NKAIN2: variants seen among roughly 807,000 people sequenced by gnomAD.
NKAIN2 encodes sodium/potassium transporting ATPase interacting 2.
A neutral mutation model predicts 32.6 loss-of-function variants in NKAIN2; 14 were observed. The observed-to-expected ratio is 0.43, with a 90% CI of 0.28 to 0.67. NKAIN2 has a LOEUF of 0.67. Ranked by LOEUF, NKAIN2 falls within the 30% of genes least tolerant of loss-of-function variation. The pLI is 0.17. For synonymous variants in NKAIN2, 80 were observed against 87.2 expected, an observed-to-expected ratio of 0.92 and a Z score of 0.46; for missense variants, 198 against 258.3, an observed-to-expected ratio of 0.77 and a Z score of 1.60.
At chr6:124,699,268 G>A (rs1774649830) in intron 4 of NKAIN2, among the ~76,000 whole-genome samples, 1 of 152,180 alleles carries the variant, frequency 6.6e-6, no homozygotes, top group Non-Finnish European at 1.5e-5. Flanking sequence ...TTGAAGCTTA[G>A]CTGGAATGTG....
chr6:124,416,161 A>G (rs1774477943), intron 3 of NKAIN2, among the ~76,000 whole-genome samples: 1 of 152,160 alleles, frequency 6.6e-6, no homozygotes, highest in Non-Finnish European at 1.5e-5. Flanking sequence ...AGAGGTGACC[A>G]CCTGTATTCC....
At chr6:124,013,083 C>T (rs540801964) in intron 1 of NKAIN2, among the ~76,000 whole-genome samples, 55 of 152,200 alleles carry the variant, frequency 3.6e-4, no homozygotes, top group Middle Eastern at 3.4e-3. Context: ...TAATAACTAA[C>T]GATGATGAAC....
chr6:124,466,833 G>A (rs549528159), intron 3 of NKAIN2, among the ~76,000 whole-genome samples: 56 of 151,638 alleles, frequency 3.7e-4, no homozygotes, highest in African/African-American at 1.2e-3. Flanking sequence ...TTCAATGGAC[G>A]TAGATTTTAA....
intron 3 of NKAIN2, among the ~76,000 whole-genome samples, chr6:124,582,794 C>T (rs1045119111): frequency 3.9e-5 from 6 of 152,116 alleles, no homozygotes. Context: ...GGATTTATCC[C>T]AGGGATGCAA....
Position 123,804,123 on chromosome 6 carries a change from G to C in NKAIN2, c.-78G>C, listed in dbSNP as rs2114846064. ...TCGGCAGGTTTGCGTGTCCTTCCCC[G>C]CGATCTGATTGGATAAAGTGGGGGC... On this transcript the variant is annotated 5_prime_UTR_variant, in exon 1 of 7. Coordinates refer to ENST00000368417, the MANE Select transcript of NKAIN2 (RefSeq NM_001040214.3). The C allele has an allele frequency of 1.5e-6, 2 of 1,357,020 alleles. No homozygotes were observed. Among genetic ancestry groups the C allele is most frequent in the East Asian group, 4.6e-5 (2 of 43,608 alleles). The allele number at this position is 1,357,020 out of a possible 1,614,324, so 84.1% of individuals were successfully genotyped here. A position where few individuals can be genotyped will look rare whatever the true frequency, so the allele number is the denominator to read the frequency against.
At position 124,005,066 on chromosome 6, in the gene NKAIN2, A is replaced by T. The variant is rs151001931; in HGVS notation, c.54+200812A>T. 3.5e-3 allele frequency among the ~76,000 whole-genome samples: 540 copies of T among 152,152 alleles called. 5 individuals are homozygous for T. The highest frequency in any genetic ancestry group is 0.012 in the African/African-American group (517 of 41,492). On this transcript the variant is annotated intron_variant, in intron 1 of 6. Coordinates refer to ENST00000368417, the MANE Select transcript of NKAIN2 (RefSeq NM_001040214.3). ...ATAGTGAAACCCTGTCTTTACTAAA[A>T]ATACAAAAATTAGCCACACGTGGTG...
rs1020887551 is a variant in NKAIN2, at chr6:124,640,422, C to T, written c.274-17764C>T. On this transcript the variant is annotated intron_variant, in intron 3 of 6. Transcript: ENST00000368417. Reference sequence around the variant, plus strand: ...AGTAATATCTCTGGAAATACTTAACCTGTTCATTGAAAACTGAGCCTCTAG... The same window carrying T: ...AGTAATATCTCTGGAAATACTTAACTTGTTCATTGAAAACTGAGCCTCTAG... Among the ~76,000 whole-genome samples, 4 of 152,184 alleles carry T rather than the reference C, an allele frequency of 2.6e-5. 1 individual carries two copies. The highest frequency in any genetic ancestry group is 9.7e-5 in the African/African-American group (4 of 41,446).
At chr6:124,659,415 TA>T (rs746739888) in intron 4 of NKAIN2, among the ~76,000 whole-genome samples, 1,769 of 146,924 alleles carry the variant, frequency 0.012, 24 homozygotes, top group East Asian at 0.055. Flanking sequence ...CTTCTGGAAT[TA>T]AAAAAAAAAA....
intron 1 of NKAIN2, among the ~76,000 whole-genome samples, chr6:124,252,202 G>A (rs1422587745): frequency 1.3e-5 from 2 of 151,934 alleles, no homozygotes; most frequent in Admixed American, 1.3e-4. Flanking sequence ...ACAGTAGAAT[G>A]GATAAATAAA....
intron 1 of NKAIN2, among the ~76,000 whole-genome samples, chr6:124,234,552 C>A (rs963985597): frequency 5.9e-5 from 9 of 152,070 alleles, no homozygotes; most frequent in Non-Finnish European, 1.3e-4. Flanking sequence ...TAGCCAATTG[C>A]CCATCATGGT....
At chr6:123,921,730 T>C (rs1024795792) in intron 1 of NKAIN2, among the ~76,000 whole-genome samples, 6 of 152,198 alleles carry the variant, frequency 3.9e-5, no homozygotes, top group African/African-American at 2.4e-5. Flanking sequence ...GGAGAACATA[T>C]AGTGTACATC....
At position 124,403,454 on chromosome 6, in the gene NKAIN2, C is replaced by T. The variant is rs143362428; in HGVS notation, c.273+48107C>T. Among the ~76,000 whole-genome samples the T allele has an allele frequency of 5.1e-3, 776 of 152,246 alleles. 5 individuals are homozygous for T. The highest frequency in any genetic ancestry group is 0.014 in the African/African-American group (583 of 41,552). ...CAGTAGCTTTTACTTCCTTTTACCC[C>T]CCTTACTTCGCTGGTTAGGAGTTAT... On this transcript the variant is annotated intron_variant, in intron 3 of 6. Coordinates refer to ENST00000368417, the MANE Select transcript of NKAIN2 (RefSeq NM_001040214.3).
At chr6:124,142,212 A>G (rs1364165467) in intron 1 of NKAIN2, among the ~76,000 whole-genome samples, 2 of 152,146 alleles carry the variant, frequency 1.3e-5, no homozygotes, top group East Asian at 1.9e-4. Context: ...CTTAAACATC[A>G]ATCACCTCTT....
At chr6:124,675,067 A>G (rs946814552) in intron 4 of NKAIN2, among the ~76,000 whole-genome samples, 14 of 152,082 alleles carry the variant, frequency 9.2e-5, no homozygotes, top group Non-Finnish European at 1.9e-4. Flanking sequence ...TTTTATCATG[A>G]AAAAGAGGTG....
At chr6:124,537,250 A>C (rs1024619977) in intron 3 of NKAIN2, among the ~76,000 whole-genome samples, 1 of 152,230 alleles carries the variant, frequency 6.6e-6, no homozygotes, top group Non-Finnish European at 1.5e-5. Context: ...TGGAAGAGGA[A>C]ATTAAAGTTC....
At chr6:124,248,630 T>C (rs1183966686) in intron 1 of NKAIN2, among the ~76,000 whole-genome samples, 2 of 152,144 alleles carry the variant, frequency 1.3e-5, no homozygotes, top group African/African-American at 4.8e-5. Context: ...TAGTTTATAA[T>C]TGTGTATGTG....
chr6:123,966,995 AAAC>A (rs1213827514), intron 1 of NKAIN2, among the ~76,000 whole-genome samples: 2 of 152,216 alleles, frequency 1.3e-5, no homozygotes, highest in Non-Finnish European at 2.9e-5. Flanking sequence ...CTAAAGATTA[AAAC>A]AACCTCCTGG....
intron 1 of NKAIN2, among the ~76,000 whole-genome samples, chr6:123,947,726 T>C (rs1254296112): frequency 1.3e-5 from 2 of 152,186 alleles, no homozygotes; most frequent in African/African-American, 4.8e-5. Flanking sequence ...GTACCTATCA[T>C]CTCGAGCATT....
intron 3 of NKAIN2, among the ~76,000 whole-genome samples, chr6:124,491,967 A>G: frequency 6.6e-6 from 1 of 151,986 alleles, no homozygotes; most frequent in Non-Finnish European, 1.5e-5. Context: ...TGCGTTACTC[A>G]GTAGTAGCAA....
Sources: allele counts gnomAD v4.1 joint callset (sites outside exome capture counted in the v4.1 genomes callset), GRCh38; gene constraint gnomAD v4.1.1; transcripts MANE v1.5; gene names NCBI Gene and HGNC (gene_info 2026-07-23, HGNC 2026-07-21).